The following DOK4 variants were observed in gnomAD, a reference collection of about 807,000 sequenced individuals.
DOK4 encodes the protein downstream of tyrosine kinase 4.
DOK4 carries 26 observed loss-of-function variants against 40.1 expected under a neutral mutation model. That is an observed-to-expected ratio of 0.65 (90% CI 0.48 to 0.90). DOK4 has a LOEUF of 0.90. Among genes scored for constraint, DOK4 ranks in the 40% least tolerant of loss-of-function variants. The probability of loss-of-function intolerance (pLI) is 0.00; values close to 1 mark genes in which losing one functional copy is unlikely to be tolerated. For missense variants in DOK4, 392 were observed against 437.2 expected (o/e 0.90, Z 0.92); for synonymous variants, 179 against 177.0 (o/e 1.01, Z -0.09).
chr16:57,480,477 C>G (rs1444644703), intron 1 of DOK4: 1 of 153,096 alleles, frequency 6.5e-6, no homozygotes, highest in Non-Finnish European at 1.5e-5. Context: ...GAGGTAGCCA[C>G]TGTGGGAGCA....
At chr16:57,486,090 C>T (rs1447929000) in intron 1 of DOK4, among the ~76,000 whole-genome samples, 2 of 152,068 alleles carry the variant, frequency 1.3e-5, no homozygotes, top group African/African-American at 4.8e-5. Context: ...AGGAAAGCTG[C>T]GGGTGGAGAG....
exon 9 of DOK4, chr16:57,472,751 C>T (rs1216844868): frequency 1.0e-4 from 16 of 152,428 alleles, no homozygotes; most frequent in African/African-American, 3.6e-4. Context: ...TCACCTGAGG[C>T]GTCAACCAGA....
rs1163078740 is a variant in DOK4, at chr16:57,473,487, A to AC, written c.870dup (p.Tyr291ValfsTer30). 6.2e-7 allele frequency: 1 copy of AC among 1,613,778 alleles called. No individual in the cohort carries two copies. The highest frequency in any genetic ancestry group is 1.3e-5 in the African/African-American group (1 of 74,800). On this transcript the variant is annotated frameshift_variant, in exon 9 of 9. Coordinates refer to ENST00000340099, the Ensembl canonical transcript of DOK4. LOFTEE classifies it high-confidence loss of function. ...TCCGAGCTGGCCTGGGCTGCCCCAT[A>AC]CCCCTCACCTGTGGGCACAGAAGCA... is the stretch of plus-strand genomic sequence containing the variant.
At position 57,475,833 on chromosome 16, in the gene DOK4, G is replaced by C. The variant is rs1250476484; in HGVS notation, c.174+17C>G. 10 of 1,605,254 alleles carry C rather than the reference G, an allele frequency of 6.2e-6. No individual in the cohort carries two copies. Among genetic ancestry groups the C allele is most frequent in the Non-Finnish European group, 8.5e-6 (10 of 1,176,958 alleles). Reference sequence around the variant, plus strand: ...CAGCCCTGCCACTTGGGGGAGCTAGGGCCCAGGCCTCCTAACCTTGGGGCA... The same window carrying C: ...CAGCCCTGCCACTTGGGGGAGCTAGCGCCCAGGCCTCCTAACCTTGGGGCA... On this transcript the variant is annotated intron_variant, in intron 3 of 8. Coordinates refer to ENST00000340099, the Ensembl canonical transcript of DOK4.
Position 57,474,182 on chromosome 16 carries a change from C to T in DOK4, c.600-143G>A, listed in dbSNP as rs1045306751. On this transcript the variant is annotated intron_variant, in intron 6 of 8. Coordinates refer to ENST00000340099, the Ensembl canonical transcript of DOK4. The stretch of plus-strand genomic sequence containing the variant: ...GGGCTGTGGTCTGGGGGTCCGACCA[C>T]ACGGTGCAAATGTGCTGAGCATATT... The T allele has an allele frequency of 8.5e-5, 92 of 1,077,034 alleles. No homozygotes were observed. The South Asian group carries it at 1.3e-3, about 15-fold the overall frequency. 66.7% of individuals were successfully genotyped at this position (1,077,034 alleles called of 1,614,324 possible).
At chr16:57,483,521 T>C (rs1340810639) in intron 1 of DOK4, among the ~76,000 whole-genome samples, 4 of 152,100 alleles carry the variant, frequency 2.6e-5, no homozygotes, top group East Asian at 3.9e-4. Context: ...TCACAGCTAC[T>C]GGGGAGGCCG....
rs1295565710 is a variant in DOK4 at position 57,485,937 on chromosome 16, G to A, written c.-182+368C>T. The stretch of plus-strand genomic sequence containing the variant: ...AGGAGGCCCCGGGGAGGAGCAGGAA[G>A]GCAGAGAGAAGGTTGGGAGCTGCCA... On this transcript the variant is annotated intron_variant, in intron 1 of 8. Coordinates refer to ENST00000340099, the Ensembl canonical transcript of DOK4. This position sits in a 1 kb window ranked among gnomAD's most constrained non-coding sequence, Gnocchi z 4.3. Among the ~76,000 whole-genome samples, 2 of 152,206 alleles carry A rather than the reference G, an allele frequency of 1.3e-5. No homozygotes were observed. The highest frequency in any genetic ancestry group is 2.9e-5 in the Non-Finnish European group (2 of 68,024).
intron 3 of DOK4, 59 bp from the exon 4 acceptor site, chr16:57,475,679 T>TCG: frequency 1.2e-6 from 1 of 862,662 alleles, no homozygotes; most frequent in African/African-American, 2.0e-5. Context: ...TCTCTCTCTC[T>TCG]CTCTCTCTCT....
chr16:57,473,178 C>T (rs2030946637), exon 9 of DOK4: 2 of 706,410 alleles, frequency 2.8e-6, no homozygotes, highest in South Asian at 3.9e-5. Context: ...CACGGTAGCT[C>T]CAACCCCTCA....
At chr16:57,473,978 G>C in exon 7 of DOK4, 1 of 1,614,064 alleles carries the variant, frequency 6.2e-7, no homozygotes, top group Non-Finnish European at 8.5e-7. Context: ...TGGACGCGCT[G>C]GTAAATCTGC....
chr16:57,474,683 T>C (rs55896747), intron 6 of DOK4, 110 bp downstream of exon 6: 78,372 of 1,345,248 alleles, frequency 0.058, 2,525 homozygotes, highest in African/African-American at 0.1. Context: ...CCCCTTGGGA[T>C]TGCTAGGCCA....
Position 57,475,976 on chromosome 16 carries a change from G to C in DOK4, c.67-19C>G. ...GGTAGATCTGTGGAGCGAGATGACA[G>C]GGCTCAGGCCTCCCTGGACCACTCC... On this transcript the variant is annotated intron_variant, in intron 2 of 8. Coordinates refer to ENST00000340099, the Ensembl canonical transcript of DOK4. The C allele has an allele frequency of 6.2e-7, 1 of 1,601,988 alleles. No homozygotes were observed. The highest frequency in any genetic ancestry group is 1.1e-5 in the South Asian group (1 of 89,840).
intron 1 of DOK4, among the ~76,000 whole-genome samples, chr16:57,482,066 G>C (rs112609431): frequency 6.6e-6 from 1 of 152,152 alleles, no homozygotes; most frequent in Non-Finnish European, 1.5e-5. Context: ...GGGTTTCACC[G>C]TGTTAGCCAG....
intron 1 of DOK4, among the ~76,000 whole-genome samples, chr16:57,483,572 G>A (rs1386976115): frequency 6.6e-6 from 1 of 152,194 alleles, no homozygotes; most frequent in African/African-American, 2.4e-5. Flanking sequence ...CCAGGTAGCA[G>A]TGAGCTATGA....
At chr16:57,486,486 G>A (rs2031546157) in exon 1 of DOK4, 1 of 151,930 alleles carries the variant, frequency 6.6e-6, no homozygotes, top group African/African-American at 2.4e-5. Flanking sequence ...GGCTCCGGCT[G>A]GGACTCCGCT....
chr16:57,476,926 C>T (rs1223370968), intron 2 of DOK4, among the ~76,000 whole-genome samples: 1 of 152,210 alleles, frequency 6.6e-6, no homozygotes, highest in Admixed American at 6.5e-5. Flanking sequence ...CAGCCACCAG[C>T]CAGAGCTGCC....
intron 2 of DOK4, among the ~76,000 whole-genome samples, chr16:57,477,889 C>G (rs1385089920): frequency 6.6e-6 from 1 of 152,220 alleles, no homozygotes; most frequent in Non-Finnish European, 1.5e-5. Flanking sequence ...ATGGATAGGG[C>G]CTGGCTATGC....
chr16:57,480,162 G>A (rs1241584597), intron 1 of DOK4: 1 of 152,238 alleles, frequency 6.6e-6, no homozygotes, highest in African/African-American at 2.4e-5. Context: ...AGAGATGGAG[G>A]AGGAGGGTCG....
intron 5 of DOK4, 34 bp downstream of exon 5, chr16:57,475,066 C>T (rs1449022504): frequency 6.2e-7 from 1 of 1,606,164 alleles, no homozygotes; most frequent in Admixed American, 1.7e-5. Context: ...TCCTCCTCCC[C>T]CTCCCCACCC....
Sources: allele counts gnomAD v4.1 joint callset (sites outside exome capture counted in the v4.1 genomes callset), GRCh38; gene constraint gnomAD v4.1.1; non-coding constraint Gnocchi (gnomAD v3.1); transcripts MANE v1.5; gene names NCBI Gene and HGNC (gene_info 2026-07-23, HGNC 2026-07-21).